The following LCLAT1 variants were observed in gnomAD, a reference collection of about 807,000 sequenced individuals.
The protein encoded by LCLAT1 is 1-AGP acyltransferase 8.
Under a neutral mutation model 30.7 loss-of-function variants are expected in LCLAT1, and 11 were observed. The observed-to-expected ratio is 0.36, with a 90% CI of 0.23 to 0.59. LCLAT1 has a LOEUF of 0.59. LCLAT1 is among the 20% of genes least tolerant of loss of function. The pLI, the probability that LCLAT1 is intolerant of heterozygous loss-of-function variation, is 0.77. For synonymous variants in LCLAT1, 155 were observed against 151.3 expected, an observed-to-expected ratio of 1.02 and a Z score of -0.18; for missense variants, 402 against 458.6, an observed-to-expected ratio of 0.88 and a Z score of 1.13.
Position 30,643,904 on chromosome 2 carries a change from G to A in LCLAT1, c.*3285G>A, listed in dbSNP as rs950057260. 3.9e-5 allele frequency: 6 copies of A among 152,582 alleles called. No homozygotes were observed. Among genetic ancestry groups the A allele is most frequent in the Non-Finnish European group, 5.9e-5 (4 of 68,026 alleles). The allele number at this position is 152,582 out of a possible 1,614,324, so 9.5% of individuals were successfully genotyped here. The stretch of plus-strand genomic sequence containing the variant: ...TGTAGCAGGTAAACACTACTCTAAC[G>A]TGGAGAAATGAGCTTCATGCTGAGG... On this transcript the variant is annotated 3_prime_UTR_variant, in exon 6 of 6. Transcript: ENST00000379509.
chr2:30,490,612 C>G (rs1683793578), intron 1 of LCLAT1, among the ~76,000 whole-genome samples: 1 of 152,198 alleles, frequency 6.6e-6, no homozygotes, highest in South Asian at 2.1e-4. Context: ...GTTTCTTCAT[C>G]TGTAAAGTAG....
At chr2:30,614,917 G>A (rs1306795065) in intron 5 of LCLAT1, among the ~76,000 whole-genome samples, 1 of 152,136 alleles carries the variant, frequency 6.6e-6, no homozygotes, top group Non-Finnish European at 1.5e-5. Flanking sequence ...AGAGTAAGGT[G>A]ACCAGGAAGC....
In LCLAT1 at chr2:30,447,696, T is replaced by C. The variant is rs1474869353; in HGVS notation, c.-5+313T>C. Among the ~76,000 whole-genome samples, 3 of 152,320 alleles carry C rather than the reference T, an allele frequency of 2.0e-5. No homozygotes were observed. The East Asian group carries it at 5.8e-4, about 30-fold the overall frequency. On this transcript the variant is annotated intron_variant, in intron 1 of 5. Transcript: ENST00000379509. ...TAGCCGCGGGGCGAAGAGGGTCCCG[T>C]CGGTGTTTACGCTAGGAGCGTCAAA...
At chr2:30,627,687 T>A (rs1354807912) in intron 5 of LCLAT1, among the ~76,000 whole-genome samples, 1 of 152,162 alleles carries the variant, frequency 6.6e-6, no homozygotes, top group Non-Finnish European at 1.5e-5. Flanking sequence ...TCTTTGGATT[T>A]CTTTCTTTTT....
At chr2:30,618,158 G>C (rs143842767) in intron 5 of LCLAT1, among the ~76,000 whole-genome samples, 210 of 152,124 alleles carry the variant, frequency 1.4e-3, no homozygotes, top group African/African-American at 4.6e-3. Context: ...ATATTGTCTC[G>C]ATTACTGAAC....
intron 3 of LCLAT1, among the ~76,000 whole-genome samples, chr2:30,539,472 C>A (rs965172058): frequency 5.3e-5 from 8 of 151,962 alleles, no homozygotes; most frequent in African/African-American, 1.9e-4. Flanking sequence ...TAGTCAGGAT[C>A]TAGACACCAC....
intron 1 of LCLAT1, among the ~76,000 whole-genome samples, chr2:30,448,426 T>C (rs981481592): frequency 5.3e-5 from 8 of 152,218 alleles, no homozygotes; most frequent in Non-Finnish European, 1.2e-4. Context: ...CATTGTACTT[T>C]GATATGCTTG....
intron 1 of LCLAT1, among the ~76,000 whole-genome samples, chr2:30,463,711 A>T (rs1249839507): frequency 6.6e-6 from 1 of 152,218 alleles, no homozygotes; most frequent in Non-Finnish European, 1.5e-5. Flanking sequence ...ATATGCAAAT[A>T]TGATGTCATT....
At chr2:30,509,409 G>C (rs1381085747) in intron 1 of LCLAT1, among the ~76,000 whole-genome samples, 1 of 152,118 alleles carries the variant, frequency 6.6e-6, no homozygotes, top group Non-Finnish European at 1.5e-5. Context: ...TTTTGTCATA[G>C]ATGGTTCTTA....
intron 3 of LCLAT1, among the ~76,000 whole-genome samples, chr2:30,534,284 G>C (rs560284645): frequency 7.5e-6 from 1 of 133,456 alleles, no homozygotes; most frequent in Admixed American, 7.6e-5. Context: ...TTTGGGAGAC[G>C]GAGTCTCTCT....
intron 5 of LCLAT1, among the ~76,000 whole-genome samples, chr2:30,600,987 A>C (rs1350662603): frequency 1.3e-5 from 2 of 150,904 alleles, no homozygotes; most frequent in Non-Finnish European, 3.0e-5. Context: ...CATTTCTTTT[A>C]ATTCTTTTTT....
chr2:30,540,290 T>C (rs918854054), intron 3 of LCLAT1, among the ~76,000 whole-genome samples: 2 of 152,260 alleles, frequency 1.3e-5, no homozygotes, highest in Non-Finnish European at 2.9e-5. Flanking sequence ...GATTATTCCA[T>C]GTCAGTGTAT....
chr2:30,568,395 T>G lies in LCLAT1; in HGVS notation c.628+219T>G, dbSNP rs186944872. ...TCTGTAAAAAATTCTTTCCCCTTTTTTGGAACAGACATAACTCTATATTAC... is the reference window on the plus strand; with the variant it reads ...TCTGTAAAAAATTCTTTCCCCTTTTGTGGAACAGACATAACTCTATATTAC... On this transcript the variant is annotated intron_variant, in intron 5 of 5. Transcript: ENST00000379509. Among the ~76,000 whole-genome samples, 12 of 151,910 alleles carry G rather than the reference T, an allele frequency of 7.9e-5. No individual in the cohort carries two copies. The East Asian group carries it at 2.3e-3, about 29-fold the overall frequency.
intron 1 of LCLAT1, among the ~76,000 whole-genome samples, chr2:30,485,998 C>G (rs1290593944): frequency 6.6e-6 from 1 of 152,148 alleles, no homozygotes; most frequent in Non-Finnish European, 1.5e-5. Context: ...GTCTGGTAAG[C>G]CTTTCTGCTC....
chr2:30,539,235 C>A (rs1296362574), intron 3 of LCLAT1, among the ~76,000 whole-genome samples: 1 of 149,248 alleles, frequency 6.7e-6, no homozygotes, highest in Non-Finnish European at 1.5e-5. Context: ...AGGCTTGAGC[C>A]ACCGCGCCAG....
At chr2:30,451,868 A>C (rs916170607) in intron 1 of LCLAT1, among the ~76,000 whole-genome samples, 2 of 152,178 alleles carry the variant, frequency 1.3e-5, no homozygotes, top group African/African-American at 4.8e-5. Context: ...AGAATGGATG[A>C]GTAAATTGTG....
At chr2:30,593,047 C>T (rs1262232504) in intron 5 of LCLAT1, among the ~76,000 whole-genome samples, 1 of 152,208 alleles carries the variant, frequency 6.6e-6, no homozygotes, top group Non-Finnish European at 1.5e-5. Context: ...TAACCAACTT[C>T]TCTACATCCC....
chr2:30,639,549 C>T (rs752778273), intron 5 of LCLAT1, among the ~76,000 whole-genome samples: 1 of 152,166 alleles, frequency 6.6e-6, no homozygotes, highest in Non-Finnish European at 1.5e-5. Flanking sequence ...TCACCTCATC[C>T]TCCCGAGTAC....
At chr2:30,530,049 A>G (rs571915894) in intron 2 of LCLAT1, among the ~76,000 whole-genome samples, 1 of 152,236 alleles carries the variant, frequency 6.6e-6, no homozygotes, top group Non-Finnish European at 1.5e-5. Context: ...TGGACATAGT[A>G]AGTAGTGGTA....
Sources: allele counts gnomAD v4.1 joint callset (sites outside exome capture counted in the v4.1 genomes callset), GRCh38; gene constraint gnomAD v4.1.1; transcripts MANE v1.5; gene names NCBI Gene and HGNC (gene_info 2026-07-23, HGNC 2026-07-21).